Variants in GABRB3 observed in about 807,000 individuals in gnomAD.
GABRB3 encodes the protein gamma-aminobutyric acid type A receptor subunit beta3, also known as gamma-aminobutyric acid receptor subunit beta-3.
A neutral mutation model predicts 52.1 loss-of-function variants in GABRB3; 14 were observed. That is an observed-to-expected ratio of 0.27 (90% CI 0.18 to 0.42). The LOEUF is 0.42. Ranked by LOEUF, GABRB3 falls within the 10% of genes least tolerant of loss-of-function variation. The pLI is 1.00. For missense variants in GABRB3, 307 were observed against 609.1 expected (o/e 0.50, Z 5.22); for synonymous variants, 260 against 232.3 (o/e 1.12, Z -1.08).
At chr15:26,724,997 A>G (rs2140144335) in intron 3 of GABRB3, among the ~76,000 whole-genome samples, 1 of 152,134 alleles carries the variant, frequency 6.6e-6, no homozygotes, top group East Asian at 1.9e-4. Flanking sequence ...GGAGCTCACA[A>G]TACACTATGT....
At chr15:26,658,781 T>C (rs921775802) in intron 3 of GABRB3, 7 of 152,380 alleles carry the variant, frequency 4.6e-5, no homozygotes, top group Admixed American at 3.3e-4. Flanking sequence ...TCACCCATAG[T>C]AATTGACATT....
intron 3 of GABRB3, among the ~76,000 whole-genome samples, chr15:26,694,729 T>C (rs143493455): frequency 2.0e-5 from 3 of 152,304 alleles, no homozygotes; most frequent in African/African-American, 7.2e-5. Context: ...CAGATTTAGA[T>C]ACAGCAGAGA....
Position 26,546,917 on chromosome 15 carries a change from T to C in GABRB3, c.*876A>G, listed in dbSNP as rs919630450. On this transcript the variant is annotated 3_prime_UTR_variant, in exon 9 of 9. Coordinates refer to ENST00000311550, the MANE Select transcript of GABRB3 (RefSeq NM_000814.6). ...TATGCTTTCTGTTGGATATCAGGCCTAGAAATCCATACGAGATGTAGAGCA... is the reference window on the plus strand; with the variant it reads ...TATGCTTTCTGTTGGATATCAGGCCCAGAAATCCATACGAGATGTAGAGCA... 1.3e-5 allele frequency: 2 copies of C among 151,424 alleles called. No homozygotes were observed. The highest frequency in any genetic ancestry group is 2.9e-5 in the Non-Finnish European group (2 of 67,898). 9.4% of individuals were successfully genotyped at this position (151,424 alleles called of 1,614,324 possible).
chr15:26,666,195 A>G (rs563848864), intron 3 of GABRB3, among the ~76,000 whole-genome samples: 1 of 152,298 alleles, frequency 6.6e-6, no homozygotes, highest in East Asian at 1.9e-4. Flanking sequence ...TTTCAGGGGA[A>G]ATGAATTGTT....
At chr15:26,742,383 GA>G (rs11455423) in intron 3 of GABRB3, among the ~76,000 whole-genome samples, 500 of 144,572 alleles carry the variant, frequency 3.5e-3, no homozygotes, top group African/African-American at 0.011. Flanking sequence ...ATGATGTATT[GA>G]AAAAAAAAAA....
At chr15:26,602,228 T>C (rs56791695) in intron 4 of GABRB3, among the ~76,000 whole-genome samples, 22,532 of 152,086 alleles carry the variant, frequency 0.15, 1,658 homozygotes, top group Non-Finnish European at 0.15. Flanking sequence ...CAAACATATA[T>C]GAATCCAATA....
chr15:26,554,037 T>TATATATATATATATATA (rs59100810), intron 8 of GABRB3, among the ~76,000 whole-genome samples: 933 of 58,284 alleles, frequency 0.016, 139 homozygotes, highest in Admixed American at 0.029. Context: ...ATATATATAT[T>TATATATATATATATATA]TATTTATTTA....
At chr15:26,650,177 C>G (rs7179514) in intron 3 of GABRB3, among the ~76,000 whole-genome samples, 60,999 of 152,082 alleles carry the variant, frequency 0.4, 13,757 homozygotes, top group Middle Eastern at 0.53. Context: ...TCATGTACAT[C>G]ACCCCACCAC....
At chr15:26,629,515 G>T (rs1194964921) in intron 3 of GABRB3, among the ~76,000 whole-genome samples, 1 of 152,160 alleles carries the variant, frequency 6.6e-6, no homozygotes, top group Non-Finnish European at 1.5e-5. Flanking sequence ...GGAGGAGGAG[G>T]GGGTATTGGT....
intron 8 of GABRB3, among the ~76,000 whole-genome samples, chr15:26,553,842 A>G (rs947493699): frequency 2.6e-5 from 4 of 151,370 alleles, no homozygotes; most frequent in Non-Finnish European, 4.4e-5. Flanking sequence ...AGTGCATTTG[A>G]AAAAATACTG....
At chr15:26,648,842 C>T (rs550490111) in intron 3 of GABRB3, among the ~76,000 whole-genome samples, 1 of 152,220 alleles carries the variant, frequency 6.6e-6, no homozygotes, top group Admixed American at 6.5e-5. Context: ...GGATTTTGAG[C>T]AGCAGGTGGG....
chr15:26,695,210 G>T (rs1888700791), intron 3 of GABRB3, among the ~76,000 whole-genome samples: 1 of 152,136 alleles, frequency 6.6e-6, no homozygotes, highest in South Asian at 2.1e-4. Context: ...TGTACACTTA[G>T]GCATATCATA....
At chr15:26,734,030 T>A in intron 3 of GABRB3, among the ~76,000 whole-genome samples, 1 of 146,388 alleles carries the variant, frequency 6.8e-6, no homozygotes, top group Non-Finnish European at 1.5e-5. Context: ...GGGCTTTTTT[T>A]TTTTTTTTTT....
At chr15:26,554,207 A>ATATT (rs1348288306) in intron 8 of GABRB3, among the ~76,000 whole-genome samples, 5 of 57,808 alleles carry the variant, frequency 8.6e-5, no homozygotes, top group African/African-American at 9.4e-5. Flanking sequence ...ATATATATAT[A>ATATT]TAGTAGAAAC....
chr15:26,586,441 A>T (rs1363442305), intron 4 of GABRB3, among the ~76,000 whole-genome samples: 1 of 34,996 alleles, frequency 2.9e-5, no homozygotes, highest in Non-Finnish European at 5.9e-5. Flanking sequence ...CATACACATA[A>T]ACATGCCCAA....
chr15:26,680,878 C>T (rs1468460010), intron 3 of GABRB3, among the ~76,000 whole-genome samples: 1 of 152,190 alleles, frequency 6.6e-6, no homozygotes, highest in Non-Finnish European at 1.5e-5. Flanking sequence ...AGGAACACCA[C>T]ATTCTTACTG....
intron 3 of GABRB3, among the ~76,000 whole-genome samples, chr15:26,724,679 A>T (rs1889725552): frequency 6.6e-6 from 1 of 152,174 alleles, no homozygotes; most frequent in Non-Finnish European, 1.5e-5. Context: ...ATAACACCAC[A>T]GATTGTTAAA....
intron 3 of GABRB3, among the ~76,000 whole-genome samples, chr15:26,700,421 G>A (rs1888890450): frequency 6.6e-6 from 1 of 152,148 alleles, no homozygotes; most frequent in Non-Finnish European, 1.5e-5. Context: ...TCAATTCTAT[G>A]TAAACTCTTC....
chr15:26,674,504 AG>A (rs901769234), intron 3 of GABRB3, among the ~76,000 whole-genome samples: 1 of 151,160 alleles, frequency 6.6e-6, no homozygotes, highest in Middle Eastern at 3.5e-3. Context: ...GAAAAGGAAA[AG>A]GAAAAAAAAG....
Sources: allele counts gnomAD v4.1 joint callset (sites outside exome capture counted in the v4.1 genomes callset), GRCh38; gene constraint gnomAD v4.1.1; transcripts MANE v1.5; gene names NCBI Gene and HGNC (gene_info 2026-07-23, HGNC 2026-07-21).